Variants in FLNB observed in about 807,000 individuals in gnomAD.
FLNB encodes the protein filamin-B.
Under a neutral mutation model 250.6 loss-of-function variants are expected in FLNB, and 111 were observed. The ratio of observed to expected loss-of-function variants is 0.44; its 90% CI spans 0.38 to 0.52. The LOEUF (loss-of-function observed/expected upper bound fraction) is 0.52, where lower values mean the gene tolerates loss of function less well. Among genes scored for constraint, FLNB ranks in the 20% least tolerant of loss-of-function variants. The pLI is 0.00. For synonymous variants in FLNB, 1,302 were observed against 1,372.1 expected (o/e 0.95, Z 1.13); for missense variants, 2,869 against 3,447.8 (o/e 0.83, Z 4.20).
chr3:58,156,322 C>A (rs1434990606), intron 41 of FLNB, among the ~76,000 whole-genome samples: 1 of 152,118 alleles, frequency 6.6e-6, no homozygotes, highest in Admixed American at 6.5e-5. Context: ...TTTGGGGACA[C>A]GTTTGTTTTT....
chr3:58,154,884 A>C lies in FLNB; in HGVS notation c.6728A>C (p.His2243Pro). 2 of 1,614,138 alleles carry C rather than the reference A, an allele frequency of 1.2e-6. No homozygotes were observed. ...PSKAEITFDD[H>P]KNGSCGVSYI... is the part of the protein sequence containing the mutation. ...AAGGCCGAGATTACATTCGATGACCATAAAAATGGGTCGTGCGGTGTATCT... is the reference window on the plus strand; with the variant it reads ...AAGGCCGAGATTACATTCGATGACCCTAAAAATGGGTCGTGCGGTGTATCT... The change falls in exon 40 of 46, where the codon CAT (histidine) becomes CCT (proline). Residue 2243 changes from histidine to proline, a missense_variant. Coordinates refer to ENST00000295956, the MANE Select transcript of FLNB (RefSeq NM_001457.4).
At chr3:58,163,409 A>G in intron 43 of FLNB, 79 bp downstream of exon 43, 2 of 1,495,688 alleles carry the variant, frequency 1.3e-6, no homozygotes, top group Non-Finnish European at 1.9e-6. Context: ...CTCAAGCCCC[A>G]TGAAAGCTTT....
chr3:58,012,222 A>G (rs962270552), intron 1 of FLNB, among the ~76,000 whole-genome samples: 1 of 152,010 alleles, frequency 6.6e-6, no homozygotes, highest in Admixed American at 6.6e-5. Context: ...AAAAAAAAAA[A>G]AAAAAAAAAG....
chr3:58,148,644 T>C lies in FLNB; in HGVS notation c.5888-5T>C. The C allele has an allele frequency of 1.2e-6, 2 of 1,613,436 alleles. No homozygotes were observed. Among genetic ancestry groups the C allele is most frequent in the South Asian group, 1.1e-5 (1 of 91,062 alleles). On this transcript the variant is annotated splice_region_variant and splice_polypyrimidine_tract_variant and intron_variant, in intron 35 of 45. Coordinates refer to ENST00000295956, the MANE Select transcript of FLNB (RefSeq NM_001457.4). ...TTACAAGCCCCAATCTGTGTTCTGG[T>C]CCAGGCATCTCCTTCATCCCCCGGG...
In FLNB at chr3:58,168,533, G is replaced by T; in HGVS notation, c.7292G>T (p.Cys2431Phe). ...IEGPSKVKMD[C>F]QETPEGYKVM... The stretch of plus-strand genomic sequence containing the variant: ...GGCCCATCCAAGGTTAAAATGGATT[G>T]CCAGGAAACACCTGAAGGGTACAAA... Residue 2431 changes from cysteine to phenylalanine, a missense_variant, in exon 44 of 46, where the codon TGC (cysteine) becomes TTC (phenylalanine). This residue lies in a region of FLNB where 1,084 missense variants were observed against 1,315.5 expected (regional missense o/e 0.82). Transcript: ENST00000295956. The T allele has an allele frequency of 6.2e-7, 1 of 1,614,198 alleles. No individual in the cohort carries two copies. Among genetic ancestry groups the T allele is most frequent in the Non-Finnish European group, 8.5e-7 (1 of 1,180,008 alleles).
intron 1 of FLNB, among the ~76,000 whole-genome samples, chr3:58,034,076 G>A (rs1006222677): frequency 2.5e-4 from 38 of 152,182 alleles, no homozygotes; most frequent in Admixed American, 7.2e-4. Context: ...GGTCATGCTG[G>A]TCTCGAACTC....
At chr3:58,018,737 C>G (rs1009345270) in intron 1 of FLNB, among the ~76,000 whole-genome samples, 3 of 151,906 alleles carry the variant, frequency 2.0e-5, no homozygotes, top group Non-Finnish European at 4.4e-5. Flanking sequence ...AGGCTGGTCT[C>G]GAACTCCCAA....
At chr3:58,126,476 G>A (rs1317410192) in intron 23 of FLNB, 126 bp from the exon 24 acceptor site, 1 of 789,140 alleles carries the variant, frequency 1.3e-6, no homozygotes, top group Non-Finnish European at 2.2e-6. Flanking sequence ...TATGTGAGAG[G>A]TGTAGTAATT....
At chr3:58,170,549 T>C (rs899035165) in intron 45 of FLNB, 26 bp from the exon 46 acceptor site, 2 of 1,612,016 alleles carry the variant, frequency 1.2e-6, no homozygotes, top group African/African-American at 2.7e-5. Flanking sequence ...TGCATCCGGG[T>C]GGAGTAACCA....
rs13095822 is a variant in FLNB at position 58,146,252 on chromosome 3, C to T, written c.5554+203C>T. ...ATTTTTGAAGTCCTTTGTGTTCTAA[C>T]TGAAATCAGATTCATGCTATGAAAT... On this transcript the variant is annotated intron_variant, in intron 33 of 45. Coordinates refer to ENST00000295956, the MANE Select transcript of FLNB (RefSeq NM_001457.4). Among the ~76,000 whole-genome samples, 45,326 of 152,132 alleles carry T rather than the reference C, an allele frequency of 0.3. 7,441 individuals carry two copies. The highest frequency in any genetic ancestry group is 0.38 in the Non-Finnish European group (25,701 of 67,976).
chr3:58,158,440 T>C (rs1377387412), intron 41 of FLNB, among the ~76,000 whole-genome samples: 1 of 152,216 alleles, frequency 6.6e-6, no homozygotes, highest in Non-Finnish European at 1.5e-5. Context: ...ATGTGGTTCT[T>C]GGGCCAGTTC....
chr3:58,125,520 C>A, intron 22 of FLNB, 61 bp from the exon 23 acceptor site: 1 of 1,574,812 alleles, frequency 6.3e-7, no homozygotes, highest in Non-Finnish European at 8.7e-7. Context: ...AGTAGAGAAT[C>A]ATTTTTCACA....
chr3:58,019,965 C>T (rs1172453660), intron 1 of FLNB, among the ~76,000 whole-genome samples: 2 of 151,748 alleles, frequency 1.3e-5, no homozygotes, highest in Non-Finnish European at 2.9e-5. Flanking sequence ...TTTGTGAGGT[C>T]TAGAAACCAG....
At chr3:58,020,867 A>G (rs2097112972) in intron 1 of FLNB, among the ~76,000 whole-genome samples, 1 of 151,984 alleles carries the variant, frequency 6.6e-6, no homozygotes, top group Non-Finnish European at 1.5e-5. Context: ...AGACTTTAAG[A>G]TGAAAGATGG....
chr3:58,168,692 T>C (rs2097375235), intron 44 of FLNB, 34 bp downstream of exon 44: 1 of 1,448,928 alleles, frequency 6.9e-7, no homozygotes, highest in African/African-American at 1.4e-5. Context: ...TTACTCTCCC[T>C]TCCTGGGGAG....
chr3:58,148,561 A>G (rs1189123418), intron 35 of FLNB, 88 bp from the exon 36 acceptor site: 1 of 1,309,336 alleles, frequency 7.6e-7, no homozygotes, highest in Non-Finnish European at 1.1e-6. Flanking sequence ...GTCAGGAAAG[A>G]GGACATATTT....
intron 1 of FLNB, among the ~76,000 whole-genome samples, chr3:58,037,958 G>A (rs1162722503): frequency 1.3e-5 from 2 of 152,158 alleles, no homozygotes; most frequent in African/African-American, 4.8e-5. Flanking sequence ...TGAAAACAAC[G>A]TGTTACTAAA....
rs1185422005 is a variant in FLNB at position 58,108,581 on chromosome 3, A to G, written c.2055+10A>G. 5.2e-6 allele frequency: 8 copies of G among 1,551,274 alleles called. No homozygotes were observed. In the South Asian group the frequency reaches 7.8e-5, roughly 15 times the overall value. ...AAAGATATTTGCTCAGGTAAATTTCAGGGGGCCACCTGTGCAGGTAATTGT... is the reference window on the plus strand; with the variant it reads ...AAAGATATTTGCTCAGGTAAATTTCGGGGGGCCACCTGTGCAGGTAATTGT... On this transcript the variant is annotated intron_variant, in intron 13 of 45. Transcript: ENST00000295956.
chr3:58,046,027 CTT>C (rs2097153496), intron 1 of FLNB, among the ~76,000 whole-genome samples: 1 of 136,248 alleles, frequency 7.3e-6, no homozygotes, highest in Non-Finnish European at 1.6e-5. Context: ...AAAAAAAAGA[CTT>C]GAGTTGGTTC....
Sources: gnomAD v4.1 joint callset for allele counts (sites outside exome capture counted in the v4.1 genomes callset) on GRCh38, gnomAD v4.1.1 for gene constraint, gnomAD v4.1.1 regional missense constraint, MANE v1.5 for transcripts, NCBI Gene and HGNC (gene_info 2026-07-23, HGNC 2026-07-21) for gene names.